TMEM132D: variants seen among roughly 807,000 people sequenced by gnomAD.
The protein encoded by TMEM132D is mature OL transmembrane protein.
A neutral mutation model predicts 62.3 loss-of-function variants in TMEM132D; 21 were observed. The observed-to-expected ratio is 0.34, with a 90% CI of 0.24 to 0.49. The LOEUF (loss-of-function observed/expected upper bound fraction) is 0.49, where lower values mean the gene tolerates loss of function less well. Among genes scored for constraint, TMEM132D ranks in the 20% least tolerant of loss-of-function variants. The pLI, the probability that TMEM132D is intolerant of heterozygous loss-of-function variation, is 0.99. For missense variants in TMEM132D, 1,346 were observed against 1,402.8 expected, an observed-to-expected ratio of 0.96 and a Z score of 0.65; for synonymous variants, 621 against 575.6, an observed-to-expected ratio of 1.08 and a Z score of -1.13.
At chr12:129,829,209 A>G (rs935608358) in intron 1 of TMEM132D, among the ~76,000 whole-genome samples, 2 of 152,150 alleles carry the variant, frequency 1.3e-5, no homozygotes, top group Non-Finnish European at 2.9e-5. Context: ...AGAATCAGAA[A>G]ATGAAAAAAA....
chr12:129,740,721 A>T (rs568055652), intron 1 of TMEM132D, among the ~76,000 whole-genome samples: 15 of 152,260 alleles, frequency 9.9e-5, no homozygotes, highest in Non-Finnish European at 1.6e-4. Context: ...TGTGCTATAC[A>T]TTCTTTTGGT....
At chr12:129,193,511 C>T (rs1878468691) in intron 5 of TMEM132D, among the ~76,000 whole-genome samples, 1 of 152,164 alleles carries the variant, frequency 6.6e-6, no homozygotes, top group Non-Finnish European at 1.5e-5. Flanking sequence ...AGTATCTTGC[C>T]CATCATGCTT....
intron 2 of TMEM132D, among the ~76,000 whole-genome samples, chr12:129,536,516 A>G (rs1876394763): frequency 6.6e-6 from 1 of 152,220 alleles, no homozygotes; most frequent in South Asian, 2.1e-4. Context: ...GCTACTTTCC[A>G]CTACATCAAC....
At chr12:129,273,881 C>T (rs12819845) in intron 4 of TMEM132D, among the ~76,000 whole-genome samples, 41,856 of 150,630 alleles carry the variant, frequency 0.28, 6,116 homozygotes, top group African/African-American at 0.3. Context: ...TATAACACAC[C>T]TGCACATGTA....
At chr12:129,596,329 G>A (rs149086861) in intron 2 of TMEM132D, among the ~76,000 whole-genome samples, 16 of 152,272 alleles carry the variant, frequency 1.1e-4, no homozygotes, top group South Asian at 2.1e-4. Flanking sequence ...CTGGTGAGAC[G>A]ATGTTCTTCT....
rs533618090 is a variant in TMEM132D, at chr12:129,453,785, G to A, written c.1115+77274C>T. Among the ~76,000 whole-genome samples the A allele has an allele frequency of 4.0e-4, 61 of 152,264 alleles. 1 individual carries two copies. Among genetic ancestry groups the A allele is most frequent in the Admixed American group, 3.5e-3 (53 of 15,298 alleles). ...CTCCTTGACTTGGCTTGCGTCCTAC[G>A]TTGACTCTTTGCCTCTTGAACTAAT... is the stretch of plus-strand genomic sequence containing the variant. On this transcript the variant is annotated intron_variant, in intron 3 of 8. Coordinates refer to ENST00000422113, the MANE Select transcript of TMEM132D (RefSeq NM_133448.3).
chr12:129,115,051 G>A (rs1476500415), intron 5 of TMEM132D, among the ~76,000 whole-genome samples: 1 of 152,150 alleles, frequency 6.6e-6, no homozygotes, highest in East Asian at 1.9e-4. Flanking sequence ...GGCGTGGAAA[G>A]GGTCACAGAG....
intron 3 of TMEM132D, among the ~76,000 whole-genome samples, chr12:129,432,951 A>T (rs10847871): frequency 1.3e-5 from 2 of 151,950 alleles, no homozygotes; most frequent in East Asian, 3.9e-4. Context: ...CCCAGGGTAA[A>T]CATTACCCTG....
chr12:129,081,603 C>T (rs1043216142), intron 7 of TMEM132D, among the ~76,000 whole-genome samples, 156 bp downstream of exon 7: 7 of 152,230 alleles, frequency 4.6e-5, no homozygotes, highest in East Asian at 1.9e-4. Context: ...CAGCCAAAAT[C>T]GCTTGTATTG....
At chr12:129,321,008 T>A (rs934525932) in intron 4 of TMEM132D, among the ~76,000 whole-genome samples, 3 of 149,658 alleles carry the variant, frequency 2.0e-5, no homozygotes, top group African/African-American at 7.7e-5. Context: ...CTGTCATCTA[T>A]CTCTGTATAC....
At chr12:129,694,658 A>T (rs757522814) in intron 2 of TMEM132D, among the ~76,000 whole-genome samples, 1 of 152,200 alleles carries the variant, frequency 6.6e-6, no homozygotes, top group Non-Finnish European at 1.5e-5. Flanking sequence ...TAACCAATCC[A>T]GCTGTTTCAG....
intron 2 of TMEM132D, among the ~76,000 whole-genome samples, chr12:129,608,671 T>C (rs973368357): frequency 6.6e-6 from 1 of 152,236 alleles, no homozygotes; most frequent in African/African-American, 2.4e-5. Flanking sequence ...CCTCTTTTAA[T>C]GGGTAAGCCC....
In TMEM132D at chr12:129,179,135, G is replaced by A. The variant is rs117964258; in HGVS notation, c.1443+30385C>T. Among the ~76,000 whole-genome samples, 451 of 152,220 alleles carry A rather than the reference G, an allele frequency of 3.0e-3. 1 individual carries two copies. Among genetic ancestry groups the A allele is most frequent in the Middle Eastern group, 0.01 (3 of 294 alleles). ...GTTCAGAGTAGAACTGCCCATCAGC[G>A]TACAGAAACGGGATGTTCAAAGTGT... On this transcript the variant is annotated intron_variant, in intron 5 of 8. Transcript: ENST00000422113.
At chr12:129,735,393 A>C (rs1869392057) in intron 1 of TMEM132D, among the ~76,000 whole-genome samples, 1 of 152,226 alleles carries the variant, frequency 6.6e-6, no homozygotes, top group African/African-American at 2.4e-5. Flanking sequence ...TACAGTACTT[A>C]TGTATATTAG....
intron 1 of TMEM132D, among the ~76,000 whole-genome samples, chr12:129,721,281 G>A (rs143330322): frequency 6.6e-6 from 1 of 152,242 alleles, no homozygotes; most frequent in East Asian, 1.9e-4. Flanking sequence ...TCAGATCCAC[G>A]TCCAGGACTG....
At chr12:129,263,174 C>T (rs1027763654) in intron 4 of TMEM132D, among the ~76,000 whole-genome samples, 2 of 152,156 alleles carry the variant, frequency 1.3e-5, no homozygotes, top group African/African-American at 2.4e-5. Context: ...TTTACCTTTG[C>T]TTCTTCAGAC....
chr12:129,615,527 G>A (rs1163013257), intron 2 of TMEM132D, among the ~76,000 whole-genome samples: 2 of 150,200 alleles, frequency 1.3e-5, no homozygotes, highest in Non-Finnish European at 3.0e-5. Context: ...AGTGTGAGAG[G>A]ATTGTTCGAG....
chr12:129,116,448 T>G (rs370850725), intron 5 of TMEM132D, among the ~76,000 whole-genome samples: 36 of 151,906 alleles, frequency 2.4e-4, no homozygotes, highest in African/African-American at 7.7e-4. Flanking sequence ...GGGAAGAAAA[T>G]GTAAAGACAA....
intron 2 of TMEM132D, among the ~76,000 whole-genome samples, chr12:129,653,227 C>T (rs1310525163): frequency 6.6e-6 from 1 of 152,166 alleles, no homozygotes; most frequent in Non-Finnish European, 1.5e-5. Context: ...TTTGGGCATA[C>T]AGGGAGGAGA....
Sources: gnomAD v4.1 joint callset for allele counts (sites outside exome capture counted in the v4.1 genomes callset) on GRCh38, gnomAD v4.1.1 for gene constraint, MANE v1.5 for transcripts, NCBI Gene and HGNC (gene_info 2026-07-23, HGNC 2026-07-21) for gene names.